Variants in COX11 observed in about 807,000 individuals in gnomAD.
COX11 encodes cytochrome c oxidase copper chaperone COX11, also known as cytochrome c oxidase assembly protein COX11, mitochondrial.
Under a neutral mutation model 29.4 loss-of-function variants are expected in COX11, and 18 were observed. The ratio of observed to expected loss-of-function variants is 0.61; its 90% confidence interval spans 0.42 to 0.91. COX11 has a LOEUF of 0.91. Ranked by LOEUF, COX11 falls within the 40% of genes least tolerant of loss-of-function variation. The probability of loss-of-function intolerance (pLI) is 0.00; values close to 1 mark genes in which losing one functional copy is unlikely to be tolerated. For missense variants in COX11, 312 were observed against 346.0 expected (o/e 0.90, Z 0.78); for synonymous variants, 131 against 124.0 (o/e 1.06, Z -0.38).
chr17:54,956,975 C>G (rs1289725242), downstream of COX11: 2 of 152,308 alleles, frequency 1.3e-5, no homozygotes, highest in East Asian at 3.9e-4. Context: ...GGTGAAGATA[C>G]TAGCATGGTA....
chr17:54,965,578 C>T (rs1035477966), intron 1 of COX11, among the ~76,000 whole-genome samples: 3 of 152,088 alleles, frequency 2.0e-5, no homozygotes, highest in Admixed American at 6.5e-5. Context: ...AGCCCTTACC[C>T]AGCACTTTGG....
chr17:54,960,930 C>T lies in COX11; in HGVS notation c.*1803G>A, dbSNP rs1234782438. Reference sequence around the variant, plus strand: ...GCACTGAAATCAGGCATTTGTTTTTCATATGCAGTTAATACTTGTTAACCG... The same window carrying T: ...GCACTGAAATCAGGCATTTGTTTTTTATATGCAGTTAATACTTGTTAACCG... On this transcript the variant is annotated 3_prime_UTR_variant, in exon 4 of 4. Coordinates refer to ENST00000299335, the MANE Select transcript of COX11 (RefSeq NM_004375.5). Among the ~76,000 whole-genome samples, 1 of 152,170 alleles carries T rather than the reference C, an allele frequency of 6.6e-6. No homozygotes were observed. Among genetic ancestry groups the T allele is most frequent in the Admixed American group, 6.6e-5 (1 of 15,266 alleles).
chr17:54,968,526 T>A lies in COX11; in HGVS notation c.121A>T (p.Ser41Cys). ...RVEPFLRPEW[S>C]GTGGAERGLR... ...CCTCTCTCGGCACCTCCTGTCCCAC[T>A]CCACTCTGGCCTAAGAAACGGCTCT... The change falls in exon 1 of 4, where the codon AGT becomes TGT. Residue 41 changes from serine to cysteine, a missense_variant. By Grantham distance (112) the Ser-to-Cys change is moderately radical (BLOSUM62 -1). Around this residue, in one of 2 missense-constraint regions of COX11, gnomAD observed 130 missense variants for 106.0 expected, o/e 1.23. Coordinates refer to ENST00000299335, the MANE Select transcript of COX11 (RefSeq NM_004375.5). 6.2e-7 allele frequency: 1 copy of A among 1,613,144 alleles called. No homozygotes were observed. The highest frequency in any genetic ancestry group is 8.5e-7 in the Non-Finnish European group (1 of 1,179,952).
rs1344753585 is a variant in COX11, at chr17:54,962,811, T to G, written c.753A>C (p.Lys251Asn). 26 of 1,613,190 alleles carry G rather than the reference T, an allele frequency of 1.6e-5. No homozygotes were observed. The highest frequency in any genetic ancestry group is 2.2e-5 in the Non-Finnish European group (26 of 1,179,366). ...TGTAAGAAAGAGTGATAAGATCAAC[T>G]TTAATCATTCTTGGATCTTCAGCAA... ...PEFAEDPRMI[K>N]VDLITLSYTF... Residue 251 changes from lysine to asparagine, a missense_variant, in exon 4 of 4, where the codon AAA (lysine) becomes AAC (asparagine). By Grantham distance (94) the Lys-to-Asn change is moderately conservative (BLOSUM62 0). Transcript: ENST00000299335.
At chr17:54,955,536 T>C (rs973835527), downstream of COX11, among the ~76,000 whole-genome samples, 6 of 152,072 alleles carry the variant, frequency 3.9e-5, no homozygotes, top group Admixed American at 6.5e-5. Context: ...AGACTAAGGG[T>C]AGAAGAATCC....
chr17:54,954,730 T>C (rs912961576), exon 1 of COX11: 2 of 152,230 alleles, frequency 1.3e-5, no homozygotes, highest in African/African-American at 4.8e-5. Context: ...TGACTGATGC[T>C]TCCTCTCCAG....
At position 54,960,669 on chromosome 17, in the gene COX11, T is replaced by C. The variant is rs761595881; in HGVS notation, c.*2064A>G. On this transcript the variant is annotated 3_prime_UTR_variant, in exon 4 of 4. Coordinates refer to ENST00000299335, the MANE Select transcript of COX11 (RefSeq NM_004375.5). ...ATACAACTTAATTCCATATTCCATA[T>C]AATTTCAGTATAATTATCACTTTAC... The C allele has an allele frequency of 1.1e-5, 16 of 1,405,122 alleles. No homozygotes were observed. In the South Asian group the frequency reaches 1.8e-4, roughly 16 times the overall value. The allele number at this position is 1,405,122 out of a possible 1,614,324, so 87.0% of individuals were successfully genotyped here.
Position 54,968,612 on chromosome 17 carries a change from A to C in COX11, c.35T>G (p.Val12Gly), listed in dbSNP as rs766707180. 5.0e-6 allele frequency: 8 copies of C among 1,612,836 alleles called. No homozygotes were observed. Among genetic ancestry groups the C allele is most frequent in the Non-Finnish European group, 6.8e-6 (8 of 1,179,986 alleles). The change falls in exon 1 of 4, where the codon GTT becomes GGT. Residue 12 changes from valine to glycine, a missense_variant. This residue lies in a region of COX11 where 130 missense variants were observed against 106.0 expected (regional missense o/e 1.23). Transcript: ENST00000299335. ...GATCCAGCGCCAGCCACAGAAAGGAACGCACCTCCATCCAGGACGCCAGAG... is the reference window on the plus strand; with the variant it reads ...GATCCAGCGCCAGCCACAGAAAGGACCGCACCTCCATCCAGGACGCCAGAG... Reference protein sequence around the residue: ...GGLWRPGWRCVPFCGWRWIHP... With the variant: ...GGLWRPGWRCGPFCGWRWIHP...
upstream of COX11, chr17:54,968,712 C>T (rs1379082568): frequency 1.3e-6 from 2 of 1,531,214 alleles, no homozygotes; most frequent in Admixed American, 2.0e-5. Context: ...AGGCGTGCTC[C>T]GTCTCGCGAG....
Position 54,960,544 on chromosome 17 carries a change from T to C in COX11, c.*2189A>G. The C allele has an allele frequency of 6.2e-7, 1 of 1,606,120 alleles. No homozygotes were observed. The highest frequency in any genetic ancestry group is 8.5e-7 in the Non-Finnish European group (1 of 1,173,590). Reference sequence around the variant, plus strand: ...CTTTGAAATTGATACATAACCCTTTTGCTGTGATGGCTTTGTTTCAGAGCT... The same window carrying C: ...CTTTGAAATTGATACATAACCCTTTCGCTGTGATGGCTTTGTTTCAGAGCT... On this transcript the variant is annotated 3_prime_UTR_variant, in exon 4 of 4. Transcript: ENST00000299335.
downstream of COX11, among the ~76,000 whole-genome samples, chr17:54,958,640 G>C (rs1234974432): frequency 6.8e-6 from 1 of 147,814 alleles, no homozygotes; most frequent in Non-Finnish European, 1.5e-5. Flanking sequence ...ATGAATAGGA[G>C]AATCGTTTGA....
chr17:54,963,426 C>A lies in COX11; in HGVS notation c.528G>T (p.Val176=). The A allele has an allele frequency of 6.2e-7, 1 of 1,608,006 alleles. No individual in the cohort carries two copies. The highest frequency in any genetic ancestry group is 8.5e-7 in the Non-Finnish European group (1 of 1,178,226). The change falls in exon 3 of 4, where the codon GTG becomes GTT. Residue 176 remains valine, a synonymous_variant. Transcript: ENST00000299335. ...FRPQQTEIYV[V]PGETALAFYR... is the part of the protein sequence containing the mutation. ...AAAACGCCAGTGCAGTCTCTCCTGG[C>A]ACCACCTGTTTTAAAGAATATATAT...
chr17:54,964,466 A>G (rs536766845), intron 2 of COX11: 1 of 474,970 alleles, frequency 2.1e-6, no homozygotes, highest in African/African-American at 2.0e-5. Context: ...CCATTACTAT[A>G]AATTTTTTTA....
At chr17:54,955,601 A>T (rs79910724), downstream of COX11, among the ~76,000 whole-genome samples, 1,484 of 152,316 alleles carry the variant, frequency 9.7e-3, 20 homozygotes, top group African/African-American at 0.034. Context: ...CCCTACAGTT[A>T]TACCACGTAG....
Position 54,968,533 on chromosome 17 carries a change from T to C in COX11, c.114A>G (p.Pro38=). Residue 38 remains proline (P), a synonymous_variant, in exon 1 of 4, where the codon CCA becomes CCG. Coordinates refer to ENST00000299335, the MANE Select transcript of COX11 (RefSeq NM_004375.5). The part of the protein sequence containing the change: ...AAERVEPFLR[P]EWSGTGGAER... ...CGGCACCTCCTGTCCCACTCCACTC[T>C]GGCCTAAGAAACGGCTCTACCCTCT... is the stretch of plus-strand genomic sequence containing the variant. 6.2e-7 allele frequency: 1 copy of C among 1,612,970 alleles called. No homozygotes were observed. Among genetic ancestry groups the C allele is most frequent in the East Asian group, 2.2e-5 (1 of 44,818 alleles).
intron 2 of COX11, among the ~76,000 whole-genome samples, chr17:54,963,899 A>C (rs1250073037): frequency 6.6e-6 from 1 of 152,124 alleles, no homozygotes; most frequent in African/African-American, 2.4e-5. Flanking sequence ...ACTTTGGAGA[A>C]AATAAGGGAA....
chr17:54,966,630 T>G (rs941417769), intron 1 of COX11, among the ~76,000 whole-genome samples: 2 of 152,186 alleles, frequency 1.3e-5, no homozygotes, highest in African/African-American at 4.8e-5. Flanking sequence ...AAATGTTCCC[T>G]GAGGGGCAAA....
At position 54,963,427 on chromosome 17, in the gene COX11, A is replaced by T. The variant is rs1474995246; in HGVS notation, c.527T>A (p.Val176Glu). ...AAACGCCAGTGCAGTCTCTCCTGGC[A>T]CCACCTGTTTTAAAGAATATATATA... is the stretch of plus-strand genomic sequence containing the variant. ...FRPQQTEIYV[V>E]PGETALAFYR... Residue 176 changes from valine (V) to glutamate (E), a missense_variant, in exon 3 of 4, where the codon GTG (valine) becomes GAG (glutamate). Val to Glu is a moderately radical substitution (Grantham distance 121). Around this residue, in one of 2 missense-constraint regions of COX11, gnomAD observed 182 missense variants for 240.0 expected, o/e 0.76. Coordinates refer to ENST00000299335, the MANE Select transcript of COX11 (RefSeq NM_004375.5). The T allele has an allele frequency of 6.2e-7, 1 of 1,607,944 alleles. No homozygotes were observed. Among genetic ancestry groups the T allele is most frequent in the South Asian group, 1.1e-5 (1 of 89,424 alleles).
intron 1 of COX11, among the ~76,000 whole-genome samples, chr17:54,965,262 TAACTC>T (rs778402254): frequency 9.2e-5 from 14 of 152,354 alleles, no homozygotes; most frequent in Admixed American, 5.2e-4. Context: ...TGAAAATACT[TAACTC>T]AATTTTTCCA....
Sources: gnomAD v4.1 joint callset for allele counts (sites outside exome capture counted in the v4.1 genomes callset) on GRCh38, gnomAD v4.1.1 for gene constraint, gnomAD v4.1.1 regional missense constraint, MANE v1.5 for transcripts, NCBI Gene and HGNC (gene_info 2026-07-23, HGNC 2026-07-21) for gene names.